GSE1: variants seen among roughly 807,000 people sequenced by gnomAD.
GSE1 encodes the protein Gse1 coiled-coil protein, also known as genetic suppressor element 1.
In GSE1, 32 loss-of-function variants were observed where a neutral mutation model predicts 112.6. The ratio of observed to expected loss-of-function variants is 0.28; its 90% CI spans 0.21 to 0.38. The LOEUF is 0.38. GSE1 is among the 10% of genes least tolerant of loss of function. GSE1 has a pLI of 1.00. For synonymous variants in GSE1, 1,115 were observed against 735.6 expected, an observed-to-expected ratio of 1.52 and a Z score of -8.35; for missense variants, 2,348 against 1,699.2, an observed-to-expected ratio of 1.38 and a Z score of -6.71.
At chr16:85,280,012 C>T (rs2044808729) in intron 1 of GSE1, among the ~76,000 whole-genome samples, 1 of 152,212 alleles carries the variant, frequency 6.6e-6, no homozygotes, top group Non-Finnish European at 1.5e-5. Context: ...TTGAGCCTTG[C>T]TGAGGTTCCA....
At chr16:85,511,296 G>T (rs2151932870) in intron 2 of GSE1, among the ~76,000 whole-genome samples, 1 of 152,354 alleles carries the variant, frequency 6.6e-6, no homozygotes, top group Middle Eastern at 3.4e-3. Context: ...GGAGGCCAAG[G>T]CGGGTGGATC....
At chr16:85,629,656 C>T (rs952812556) in intron 1 of GSE1, among the ~76,000 whole-genome samples, 2 of 152,142 alleles carry the variant, frequency 1.3e-5, no homozygotes, top group African/African-American at 2.4e-5. Context: ...TCTCATAGGG[C>T]GGCCAAGATG....
upstream of GSE1, chr16:85,555,117 G>A: frequency 2.0e-6 from 2 of 985,134 alleles, no homozygotes; most frequent in South Asian, 4.7e-5. Flanking sequence ...CGCCGCCGCC[G>A]CCGCCTTCAG....
chr16:85,421,401 G>C (rs937876198), intron 2 of GSE1, among the ~76,000 whole-genome samples: 6 of 152,178 alleles, frequency 3.9e-5, no homozygotes, highest in African/African-American at 2.4e-5. Context: ...CCCCAGAAAA[G>C]AGCACAGCAA....
At chr16:85,620,776 G>C (rs972524072) in intron 1 of GSE1, among the ~76,000 whole-genome samples, 3 of 152,174 alleles carry the variant, frequency 2.0e-5, no homozygotes, top group Non-Finnish European at 4.4e-5. Flanking sequence ...TCTCTGCTCT[G>C]TTGAGGAACC....
At chr16:85,264,024 C>T (rs1907979598) in intron 1 of GSE1, among the ~76,000 whole-genome samples, 1 of 152,142 alleles carries the variant, frequency 6.6e-6, no homozygotes, top group Non-Finnish European at 1.5e-5. Flanking sequence ...AGGGACCTCT[C>T]TCCCCCAGTG....
upstream of GSE1, among the ~76,000 whole-genome samples, chr16:85,553,745 C>T (rs1400204953): frequency 6.6e-6 from 1 of 152,182 alleles, no homozygotes; most frequent in Non-Finnish European, 1.5e-5. Flanking sequence ...GAGGGTTTGG[C>T]AAGTGGCTTG....
intron 2 of GSE1, among the ~76,000 whole-genome samples, chr16:85,637,186 C>A (rs1446743665): frequency 6.6e-6 from 1 of 152,202 alleles, no homozygotes; most frequent in Non-Finnish European, 1.5e-5. Flanking sequence ...CACGCCCTCC[C>A]CCAGCCCCCG....
Position 85,655,803 on chromosome 16 carries a change from T to C in GSE1, c.875T>C (p.Leu292Pro), listed in dbSNP as rs772536200. Residue 292 changes from leucine to proline, a missense_variant, in exon 6 of 16, where the codon CTG becomes CCG. Physicochemically the swap from Leu to Pro is moderately conservative, Grantham distance 98 (BLOSUM62 -3). Transcript: ENST00000253458. The part of the protein sequence containing the change: ...PIPTPGSLPP[L>P]HPSAMHLHLS... Reference sequence around the variant, plus strand: ...CCCACCCCCGGCTCCCTGCCCCCACTGCACCCATCAGCGATGCACCTGCAC... The same window carrying C: ...CCCACCCCCGGCTCCCTGCCCCCACCGCACCCATCAGCGATGCACCTGCAC... 2 of 1,274,924 alleles carry C rather than the reference T, an allele frequency of 1.6e-6. No homozygotes were observed. The highest frequency in any genetic ancestry group is 1.8e-5 in the Admixed American group (1 of 56,862). 79.0% of individuals were successfully genotyped at this position (1,274,924 alleles called of 1,614,324 possible). A position where few individuals can be genotyped will look rare whatever the true frequency, so the allele number is the denominator to read the frequency against.
intron 2 of GSE1, among the ~76,000 whole-genome samples, chr16:85,539,474 T>C (rs2044445539): frequency 6.6e-6 from 1 of 152,150 alleles, no homozygotes; most frequent in South Asian, 2.1e-4. Flanking sequence ...ACAGAAAGAA[T>C]CCCTGGTACA....
intron 2 of GSE1, among the ~76,000 whole-genome samples, chr16:85,388,596 ATGGATGGT>A (rs2047760570): frequency 6.9e-6 from 1 of 145,068 alleles, no homozygotes; most frequent in Non-Finnish European, 1.5e-5. Flanking sequence ...GGGTGGATGG[ATGGATGGT>A]TGGATGGATG....
At chr16:85,497,989 G>T (rs572963879) in intron 2 of GSE1, among the ~76,000 whole-genome samples, 1 of 151,586 alleles carries the variant, frequency 6.6e-6, no homozygotes, top group East Asian at 2.0e-4. Context: ...GGCGACGAGG[G>T]ACCCCACGCC....
chr16:85,461,046 A>C (rs1300129800), intron 2 of GSE1, among the ~76,000 whole-genome samples: 2 of 152,216 alleles, frequency 1.3e-5, no homozygotes, highest in Non-Finnish European at 2.9e-5. Context: ...AGGGAGACCC[A>C]GGGACCCTCT....
intron 2 of GSE1, among the ~76,000 whole-genome samples, chr16:85,476,210 G>A (rs1419585365): frequency 6.6e-6 from 1 of 152,218 alleles, no homozygotes; most frequent in Non-Finnish European, 1.5e-5. Context: ...GGGATTACAG[G>A]CGTCAGCCAC....
intron 2 of GSE1, among the ~76,000 whole-genome samples, chr16:85,414,824 C>T (rs1331322415): frequency 3.3e-5 from 5 of 152,062 alleles, no homozygotes; most frequent in African/African-American, 4.8e-5. Flanking sequence ...TTAGTAGAGA[C>T]GGGGTTTCAC....
At chr16:85,565,520 C>T (rs528854553) in intron 1 of GSE1, among the ~76,000 whole-genome samples, 9 of 152,332 alleles carry the variant, frequency 5.9e-5, no homozygotes, top group African/African-American at 1.2e-4. Flanking sequence ...GCTGCATCCT[C>T]GTGCAGTGCC....
intron 1 of GSE1, among the ~76,000 whole-genome samples, chr16:85,251,007 T>C (rs912598952): frequency 6.6e-6 from 1 of 152,256 alleles, no homozygotes; most frequent in East Asian, 1.9e-4. Context: ...TTCCTTTTCA[T>C]AGCTGAGTAA....
intron 2 of GSE1, among the ~76,000 whole-genome samples, chr16:85,459,376 A>G (rs1292817045): frequency 6.6e-6 from 1 of 152,176 alleles, no homozygotes; most frequent in Non-Finnish European, 1.5e-5. Flanking sequence ...GTTGTTGAAG[A>G]GTAGAGTGAC....
intron 1 of GSE1, chr16:85,583,590 C>T (rs563930319): frequency 6.6e-6 from 1 of 152,200 alleles, no homozygotes; most frequent in African/African-American, 2.4e-5. Flanking sequence ...CACACATTCG[C>T]ACGCAAACTC....
Sources: allele counts gnomAD v4.1 joint callset (sites outside exome capture counted in the v4.1 genomes callset), GRCh38; gene constraint gnomAD v4.1.1; transcripts MANE v1.5; gene names NCBI Gene and HGNC (gene_info 2026-07-23, HGNC 2026-07-21).